Variants in KLRG1 observed in about 807,000 individuals in gnomAD.
The protein encoded by KLRG1 is killer cell lectin-like receptor subfamily G member 1.
A neutral mutation model predicts 21.8 loss-of-function variants in KLRG1; 16 were observed. That is an observed-to-expected ratio of 0.73 (90% confidence interval 0.50 to 1.11). KLRG1 has a LOEUF of 1.11. KLRG1 is among the 50% of genes most tolerant of loss of function. The probability of loss-of-function intolerance (pLI) is 0.00; values close to 1 mark genes in which losing one functional copy is unlikely to be tolerated. For missense variants in KLRG1, 173 were observed against 218.3 expected (o/e 0.79, Z 1.31); for synonymous variants, 69 against 75.9 (o/e 0.91, Z 0.47).
At chr12:8,972,744 T>G (rs1946592165) in intron 1 of KLRG1, among the ~76,000 whole-genome samples, 1 of 152,214 alleles carries the variant, frequency 6.6e-6, no homozygotes, top group Admixed American at 6.5e-5. Flanking sequence ...TCAGGAAGTG[T>G]GATACTTCCA....
the KLRG1 span, among the ~76,000 whole-genome samples, chr12:9,060,362 G>T: frequency 0.022 from 3,324 of 152,252 alleles, 110 homozygotes; most frequent in African/African-American, 0.075. Flanking sequence ...AACTATTCCT[G>T]TGTCCTTAGT....
At chr12:9,061,407 C>T in the KLRG1 span, among the ~76,000 whole-genome samples, 1 of 152,088 alleles carries the variant, frequency 6.6e-6, no homozygotes, top group East Asian at 1.9e-4. Context: ...TTACAGGTGT[C>T]AGCCACCGCA....
At chr12:9,194,350 A>G in the KLRG1 span, 1 of 942,142 alleles carries the variant, frequency 1.1e-6, no homozygotes, top group East Asian at 2.6e-5. Flanking sequence ...CCCCCTCAAA[A>G]AAACCCCACC....
At chr12:9,102,061 C>T in the KLRG1 span, among the ~76,000 whole-genome samples, 2 of 152,010 alleles carry the variant, frequency 1.3e-5, no homozygotes, top group Non-Finnish European at 2.9e-5. Flanking sequence ...AAAGCAGCTG[C>T]CTCTTTTAGG....
chr12:9,213,497 C>T, the KLRG1 span, among the ~76,000 whole-genome samples: 3 of 151,934 alleles, frequency 2.0e-5, no homozygotes, highest in African/African-American at 7.3e-5. Flanking sequence ...GTTATTCTGT[C>T]TATATTTAAT....
chr12:9,035,886 A>G, the KLRG1 span, among the ~76,000 whole-genome samples: 4 of 152,344 alleles, frequency 2.6e-5, no homozygotes, highest in East Asian at 1.9e-4. Context: ...AAGTGAACCA[A>G]TGTAGGAACA....
the KLRG1 span, among the ~76,000 whole-genome samples, chr12:9,034,495 G>A: frequency 6.6e-6 from 1 of 151,916 alleles, no homozygotes; most frequent in African/African-American, 2.4e-5. Context: ...ACCCAGGCTG[G>A]AGTGCAATGG....
rs1268589334 is a variant in KLRG1 at position 8,995,130 on chromosome 12, TC to T, written c.201del (p.Thr68LeufsTer13). The T allele has an allele frequency of 1.2e-6, 2 of 1,605,494 alleles. No individual in the cohort carries two copies. Among genetic ancestry groups the T allele is most frequent in the African/African-American group, 2.7e-5 (2 of 74,370 alleles). Reference sequence around the variant, plus strand: ...CTCTTCTCTCCTAGGCTCCAACTACTCCACTTGTGCCAGCTGTCCTAGCTGC... The same window carrying T: ...CTCTTCTCTCCTAGGCTCCAACTACTCACTTGTGCCAGCTGTCCTAGCTGC... ...QWILCQGSNY[S>X]TCASCPSCPD... On this transcript the variant is annotated frameshift_variant, in exon 3 of 5. Transcript: ENST00000356986. LOFTEE classifies it high-confidence loss of function.
chr12:9,157,821 C>T, the KLRG1 span: 30 of 1,613,818 alleles, frequency 1.9e-5, no homozygotes, highest in Admixed American at 3.3e-5. Flanking sequence ...CGGAGAGGGT[C>T]GCTTCATCTT....
chr12:9,129,892 A>G, the KLRG1 span, among the ~76,000 whole-genome samples: 1 of 152,336 alleles, frequency 6.6e-6, no homozygotes, highest in Non-Finnish European at 1.5e-5. Flanking sequence ...GTATATACAC[A>G]TTGTTGTGAG....
chr12:9,203,683 G>A, the KLRG1 span: 6 of 1,474,668 alleles, frequency 4.1e-6, no homozygotes, highest in South Asian at 2.5e-5. Flanking sequence ...CCTTGGGATC[G>A]CACACCAGAG....
At chr12:9,053,590 A>G in the KLRG1 span, among the ~76,000 whole-genome samples, 2 of 152,174 alleles carry the variant, frequency 1.3e-5, no homozygotes, top group Non-Finnish European at 2.9e-5. Context: ...TAAACTTTAT[A>G]AAATTAATCA....
intron 1 of KLRG1, among the ~76,000 whole-genome samples, chr12:8,972,027 A>G (rs1303739919): frequency 6.6e-6 from 1 of 152,042 alleles, no homozygotes; most frequent in Non-Finnish European, 1.5e-5. Context: ...CCATTTGTCT[A>G]TTTTTACTTT....
At chr12:8,995,049 T>C (rs1947088304) in intron 2 of KLRG1, 70 bp from the exon 3 acceptor site, 2 of 1,419,002 alleles carry the variant, frequency 1.4e-6, no homozygotes, top group African/African-American at 1.4e-5. Context: ...CATATTCCAT[T>C]TTATCTCCCA....
At chr12:9,112,105 G>A in the KLRG1 span, 4 of 1,579,270 alleles carry the variant, frequency 2.5e-6, no homozygotes, top group Non-Finnish European at 3.5e-6. Flanking sequence ...CAAAAAACAG[G>A]TTCCCAGCCT....
the KLRG1 span, chr12:9,109,270 G>T: frequency 7.0e-7 from 1 of 1,432,838 alleles, no homozygotes; most frequent in Non-Finnish European, 9.8e-7. Context: ...CCCAAATGGT[G>T]AGTCTCTTTT....
intron 1 of KLRG1, among the ~76,000 whole-genome samples, chr12:8,991,184 C>T (rs781496233): frequency 6.6e-6 from 1 of 152,144 alleles, no homozygotes; most frequent in South Asian, 2.1e-4. Flanking sequence ...GAGTTTTGCT[C>T]GTTACACGTA....
At chr12:9,196,378 G>T in the KLRG1 span, 2 of 1,613,758 alleles carry the variant, frequency 1.2e-6, no homozygotes, top group Non-Finnish European at 8.5e-7. Context: ...CCACTTTCAC[G>T]AATTTGAGTT....
the KLRG1 span, chr12:9,157,192 T>A: frequency 3.1e-6 from 5 of 1,613,672 alleles, no homozygotes; most frequent in Non-Finnish European, 4.2e-6. Context: ...CACAGCTTCC[T>A]TATCAAGTGA....
Sources: gnomAD v4.1 joint callset for allele counts (sites outside exome capture counted in the v4.1 genomes callset) on GRCh38, gnomAD v4.1.1 for gene constraint, MANE v1.5 for transcripts, NCBI Gene and HGNC (gene_info 2026-07-23, HGNC 2026-07-21) for gene names.